TENM3: variants seen among roughly 807,000 people sequenced by gnomAD.
TENM3 encodes the protein teneurin transmembrane protein 3, also known as teneurin-3.
A neutral mutation model predicts 255.1 loss-of-function variants in TENM3; 63 were observed. The ratio of observed to expected loss-of-function variants is 0.25; its 90% CI spans 0.20 to 0.30. The LOEUF is 0.30. Ranked by LOEUF, TENM3 falls within the 10% of genes least tolerant of loss-of-function variation. The pLI is 1.00. For missense variants in TENM3, 2,929 were observed against 3,461.1 expected (o/e 0.85, Z 3.86); for synonymous variants, 1,306 against 1,322.3 (o/e 0.99, Z 0.27).
upstream of TENM3, among the ~76,000 whole-genome samples, chr4:182,242,634 G>T (rs1431817929): frequency 6.6e-6 from 1 of 152,132 alleles, no homozygotes; most frequent in East Asian, 1.9e-4. Flanking sequence ...GGTGGCACTT[G>T]CCTGTGGTTC....
intron 6 of TENM3, among the ~76,000 whole-genome samples, chr4:182,669,016 A>G (rs959600823): frequency 6.6e-6 from 1 of 152,188 alleles, no homozygotes; most frequent in Non-Finnish European, 1.5e-5. Context: ...CGGATAGTAG[A>G]TGAAACTTGT....
chr4:182,537,602 T>C (rs917169972), intron 3 of TENM3, among the ~76,000 whole-genome samples: 1 of 152,352 alleles, frequency 6.6e-6, no homozygotes, highest in Admixed American at 6.5e-5. Flanking sequence ...TAGAATGCTC[T>C]CCTTCCTTCT....
rs1326381017 is a variant in TENM3, at chr4:182,324,147, T to A, written c.127T>A (p.Ser43Thr). The change falls in exon 2 of 28, where the codon TCC becomes ACC. Residue 43 changes from serine (S) to threonine (T), a missense_variant. Around this residue, in one of 6 missense-constraint regions of TENM3, gnomAD observed 283 missense variants for 256.9 expected, o/e 1.10. Transcript: ENST00000511685. Reference sequence around the variant, plus strand: ...GGTACCCACACAGAAGTCCTACAGTTCCAGCGAGACATTGAAAGCTTTTGA... The same window carrying A: ...GGTACCCACACAGAAGTCCTACAGTACCAGCGAGACATTGAAAGCTTTTGA... ...CRVPTQKSYS[S>T]SETLKAFDHD... is the part of the protein sequence containing the mutation. 6.2e-7 allele frequency: 1 copy of A among 1,613,848 alleles called. No individual in the cohort carries two copies. Among genetic ancestry groups the A allele is most frequent in the African/African-American group, 1.3e-5 (1 of 74,914 alleles).
intron 1 of TENM3, among the ~76,000 whole-genome samples, chr4:182,182,112 G>A (rs1752875180): frequency 6.6e-6 from 1 of 152,020 alleles, no homozygotes; most frequent in African/African-American, 2.4e-5. Context: ...TGTCCAACTG[G>A]ATGGTTGTAT....
At chr4:182,244,174 C>T (rs1446593366) in intron 1 of TENM3, among the ~76,000 whole-genome samples, 1 of 151,526 alleles carries the variant, frequency 6.6e-6, no homozygotes, top group South Asian at 2.1e-4. Flanking sequence ...GGGATGGTCT[C>T]GATCTCCTGA....
intron 1 of TENM3, among the ~76,000 whole-genome samples, chr4:182,223,779 T>C (rs1344838159): frequency 3.5e-4 from 21 of 60,740 alleles, no homozygotes; most frequent in African/African-American, 1.3e-3. Flanking sequence ...TGGAGATAGA[T>C]TGGCAAAAAA....
the TENM3 span, among the ~76,000 whole-genome samples, chr4:181,545,569 T>C: frequency 6.6e-6 from 1 of 152,206 alleles, no homozygotes; most frequent in Admixed American, 6.5e-5. Context: ...CTGAGGCTTT[T>C]AGAGGCTTTA....
chr4:182,681,293 A>G (rs1347005726), intron 10 of TENM3, among the ~76,000 whole-genome samples: 2 of 152,242 alleles, frequency 1.3e-5, no homozygotes, highest in African/African-American at 4.8e-5. Flanking sequence ...AAGTAATGCA[A>G]TTAAGTCTCT....
the TENM3 span, among the ~76,000 whole-genome samples, chr4:181,565,473 T>G: frequency 6.6e-6 from 1 of 152,134 alleles, no homozygotes; most frequent in Admixed American, 6.5e-5. Context: ...AAGTAAATCT[T>G]AGAAGGTGGG....
the TENM3 span, among the ~76,000 whole-genome samples, chr4:182,124,159 C>T: frequency 3.3e-5 from 5 of 152,198 alleles, no homozygotes; most frequent in African/African-American, 1.2e-4. Context: ...TCAAGCAATT[C>T]TCCTATCTCA....
chr4:182,608,076 C>T (rs935032286), intron 4 of TENM3, among the ~76,000 whole-genome samples: 11 of 152,148 alleles, frequency 7.2e-5, no homozygotes, highest in African/African-American at 2.4e-5. Context: ...TTTAAAAATA[C>T]CATTCACTAG....
chr4:181,506,643 A>G, the TENM3 span, among the ~76,000 whole-genome samples: 1 of 151,622 alleles, frequency 6.6e-6, no homozygotes, highest in African/African-American at 2.4e-5. Context: ...ACAGTGCCTC[A>G]CCATGCATGT....
the TENM3 span, among the ~76,000 whole-genome samples, chr4:181,633,937 A>C: frequency 6.6e-6 from 1 of 151,678 alleles, no homozygotes; most frequent in Non-Finnish European, 1.5e-5. Flanking sequence ...TCATGCTGCC[A>C]TTTTTTTCAG....
At chr4:181,667,594 G>C in the TENM3 span, among the ~76,000 whole-genome samples, 1 of 152,060 alleles carries the variant, frequency 6.6e-6, no homozygotes, top group Non-Finnish European at 1.5e-5. Flanking sequence ...AAAAGGATGA[G>C]TTCTCCCACC....
At chr4:181,519,482 G>T in the TENM3 span, among the ~76,000 whole-genome samples, 1 of 152,030 alleles carries the variant, frequency 6.6e-6, no homozygotes, top group East Asian at 1.9e-4. Flanking sequence ...GAAGAAAAAT[G>T]TTTTATTCCC....
intron 3 of TENM3, among the ~76,000 whole-genome samples, chr4:182,554,365 C>T (rs576589471): frequency 5.3e-5 from 8 of 152,198 alleles, no homozygotes; most frequent in South Asian, 2.1e-4. Flanking sequence ...CACTGACTTG[C>T]GAAAATCAAG....
the TENM3 span, among the ~76,000 whole-genome samples, chr4:181,462,697 A>G: frequency 1.3e-5 from 2 of 152,078 alleles, no homozygotes; most frequent in African/African-American, 2.4e-5. Flanking sequence ...CTTTTGAAAC[A>G]TAACTCACGT....
intron 16 of TENM3, among the ~76,000 whole-genome samples, chr4:182,735,792 A>G (rs2152723002): frequency 6.6e-6 from 1 of 152,354 alleles, no homozygotes; most frequent in South Asian, 2.1e-4. Flanking sequence ...TGAACTCTTT[A>G]GAAAAATTGT....
chr4:181,533,571 G>A, the TENM3 span, among the ~76,000 whole-genome samples: 37 of 152,106 alleles, frequency 2.4e-4, no homozygotes, highest in Non-Finnish European at 4.9e-4. Context: ...TTGGGCATAC[G>A]ATCTTCCACT....
Sources: gnomAD v4.1 joint callset for allele counts (sites outside exome capture counted in the v4.1 genomes callset) on GRCh38, gnomAD v4.1.1 for gene constraint, gnomAD v4.1.1 regional missense constraint, MANE v1.5 for transcripts, NCBI Gene and HGNC (gene_info 2026-07-23, HGNC 2026-07-21) for gene names.